Variants in USP26 observed in about 807,000 individuals in gnomAD.
USP26 encodes ubiquitin carboxyl-terminal hydrolase 26.
For synonymous variants in USP26, 236 were observed against 240.6 expected (o/e 0.98, Z 0.18); for missense variants, 649 against 642.3 (o/e 1.01, Z -0.11).
chrX:133,068,580 T>A (rs2067520193), intron 5 of USP26, among the ~76,000 whole-genome samples: 1 of 112,592 alleles, frequency 8.9e-6, no homozygotes, highest in Non-Finnish European at 1.9e-5. Flanking sequence ...ACAGTTTAAG[T>A]AATGGTGGGA....
At chrX:133,032,365 A>T (rs182407607) in intron 5 of USP26, among the ~76,000 whole-genome samples, 1 of 111,818 alleles carries the variant, frequency 8.9e-6, no homozygotes, top group East Asian at 2.8e-4. Flanking sequence ...TGCCCCAGGC[A>T]GGAGGAAGAG....
At chrX:133,060,622 GA>G (rs1289907415) in intron 5 of USP26, among the ~76,000 whole-genome samples, 2 of 111,116 alleles carry the variant, frequency 1.8e-5, no homozygotes, top group Non-Finnish European at 3.8e-5. Flanking sequence ...AAACATAAGA[GA>G]AAAAAATTAA....
intron 5 of USP26, among the ~76,000 whole-genome samples, chrX:133,043,936 G>A (rs1055358803): frequency 3.6e-5 from 4 of 111,027 alleles, no homozygotes; most frequent in African/African-American, 1.3e-4. Flanking sequence ...TGCAAACAAA[G>A]ATTATTGCTC....
chrX:133,059,956 G>C (rs1259403548), intron 5 of USP26, among the ~76,000 whole-genome samples: 1 of 112,161 alleles, frequency 8.9e-6, no homozygotes, highest in Non-Finnish European at 1.9e-5. Context: ...GTTCTGCTCT[G>C]TTGAAATGCA....
intron 4 of USP26, among the ~76,000 whole-genome samples, chrX:133,087,142 G>T (rs1228829258): frequency 3.6e-5 from 4 of 110,641 alleles, no homozygotes; most frequent in African/African-American, 1.3e-4. Context: ...AGAAATATAC[G>T]CCATGGAGAC....
intron 5 of USP26, among the ~76,000 whole-genome samples, chrX:133,069,089 A>G (rs1448474422): frequency 1.8e-5 from 2 of 111,636 alleles, no homozygotes; most frequent in African/African-American, 3.3e-5. Context: ...ATTTACTCCA[A>G]TTACAGAGAA....
At chrX:133,040,202 A>T (rs1602972081) in intron 5 of USP26, among the ~76,000 whole-genome samples, 1 of 111,870 alleles carries the variant, frequency 8.9e-6, no homozygotes, top group African/African-American at 3.2e-5. Context: ...TTTAAGGTTA[A>T]TATTGTTATG....
At chrX:133,088,478 C>T (rs1342495638) in intron 4 of USP26, among the ~76,000 whole-genome samples, 3 of 111,151 alleles carry the variant, frequency 2.7e-5, no homozygotes, top group Admixed American at 1.9e-4. Flanking sequence ...AATGTTTGCT[C>T]GCCCGGCTGC....
intron 1 of USP26, among the ~76,000 whole-genome samples, chrX:133,094,519 G>A (rs1206800875): frequency 9.1e-6 from 1 of 110,023 alleles, no homozygotes; most frequent in Non-Finnish European, 1.9e-5. Flanking sequence ...AAATTCAGAT[G>A]AGGCAACATG....
chrX:133,096,425 T>C (rs1234749803), intron 1 of USP26, among the ~76,000 whole-genome samples: 2 of 111,657 alleles, frequency 1.8e-5, no homozygotes, highest in Non-Finnish European at 3.8e-5. Flanking sequence ...CCAGAAAACT[T>C]TTCTTTTATT....
At chrX:133,054,754 C>T (rs776320977) in intron 5 of USP26, among the ~76,000 whole-genome samples, 3 of 111,926 alleles carry the variant, frequency 2.7e-5, no homozygotes, top group Non-Finnish European at 5.6e-5. Context: ...AACGATACAA[C>T]CTAAATAATC....
chrX:133,057,866 A>ATATATACATATTT (rs1412413450), intron 5 of USP26, among the ~76,000 whole-genome samples: 1 of 9,334 alleles, frequency 1.1e-4, no homozygotes, highest in African/African-American at 6.6e-4. Context: ...ATATATATAT[A>ATATATACATATTT]TTTTTTTTTT....
chrX:133,063,930 C>T (rs2067502934), intron 5 of USP26, among the ~76,000 whole-genome samples: 1 of 112,005 alleles, frequency 8.9e-6, no homozygotes, highest in African/African-American at 3.3e-5. Flanking sequence ...AAGACACAGA[C>T]TGGCAAACTG....
At chrX:133,060,212 A>G (rs2148532319) in intron 5 of USP26, among the ~76,000 whole-genome samples, 1 of 111,924 alleles carries the variant, frequency 8.9e-6, no homozygotes, top group African/African-American at 3.2e-5. Context: ...AGTGTGACAT[A>G]CAGGAGTCCT....
chrX:133,062,726 A>AC (rs772709567), intron 5 of USP26, among the ~76,000 whole-genome samples: 15 of 100,499 alleles, frequency 1.5e-4, no homozygotes, highest in East Asian at 3.1e-4. Context: ...AACAAAAAGG[A>AC]CCCCCCCGCC....
chrX:133,038,038 GTTGT>G (rs1466008470), intron 5 of USP26, among the ~76,000 whole-genome samples: 2 of 109,140 alleles, frequency 1.8e-5, no homozygotes, highest in African/African-American at 6.7e-5. Context: ...ATTTGCTGAA[GTTGT>G]TTATTAGCTT....
At chrX:133,068,645 C>A (rs1397982810) in intron 5 of USP26, among the ~76,000 whole-genome samples, 1 of 111,877 alleles carries the variant, frequency 8.9e-6, no homozygotes. Flanking sequence ...AATTACCCAG[C>A]AAGAGAAATG....
In USP26 at chrX:133,025,382, T is replaced by C. The variant is rs1282694918; in HGVS notation, c.*97A>G. On this transcript the variant is annotated 3_prime_UTR_variant, in exon 6 of 6. Transcript: ENST00000511190. ...CCTTTGGTCCTAGACTAATTGCATT[T>C]TCATCTCTGGATAAAGTTCACAGTT... is the stretch of plus-strand genomic sequence containing the variant. The C allele has an allele frequency of 2.6e-6, 3 of 1,172,458 alleles. No homozygotes were observed. Among genetic ancestry groups the C allele is most frequent in the African/African-American group, 3.6e-5 (2 of 56,043 alleles).
chrX:133,076,022 G>C (rs1328083743), intron 5 of USP26, among the ~76,000 whole-genome samples: 1 of 111,634 alleles, frequency 9.0e-6, no homozygotes, highest in African/African-American at 3.3e-5. Flanking sequence ...AGGTAGAAAG[G>C]CAGGAATTTA....
Sources: allele counts gnomAD v4.1 joint callset (sites outside exome capture counted in the v4.1 genomes callset), GRCh38; gene constraint gnomAD v4.1.1; transcripts MANE v1.5; gene names NCBI Gene and HGNC (gene_info 2026-07-23, HGNC 2026-07-21).